The following SEMA4G variants were observed in gnomAD, a reference collection of about 807,000 sequenced individuals.
SEMA4G encodes semaphorin 4G.
Under a neutral mutation model 81.2 loss-of-function variants are expected in SEMA4G, and 59 were observed. The ratio of observed to expected loss-of-function variants is 0.73; its 90% confidence interval spans 0.59 to 0.90. The LOEUF is 0.90. SEMA4G is among the 40% of genes least tolerant of loss of function. SEMA4G has a pLI of 0.00. For synonymous variants in SEMA4G, 404 were observed against 433.9 expected, an observed-to-expected ratio of 0.93 and a Z score of 0.86; for missense variants, 952 against 1,102.3, an observed-to-expected ratio of 0.86 and a Z score of 1.93.
rs140692272 is a variant in SEMA4G, at chr10:100,980,888, C to G, written c.1534C>G (p.Arg512Gly). Reference sequence around the variant, plus strand: ...ACCACTCTCCAGCTGCTCCCGCTACCGATCCTGCTATGACTGCATCTTGGC... The same window carrying G: ...ACCACTCTCCAGCTGCTCCCGCTACGGATCCTGCTATGACTGCATCTTGGC... The change falls in exon 12 of 14, where the codon CGA becomes GGA. Residue 512 changes from arginine to glycine, a missense_variant. Around this residue, in one of 3 missense-constraint regions of SEMA4G, gnomAD observed 131 missense variants for 200.7 expected, o/e 0.65. Coordinates refer to ENST00000370250, the Ensembl canonical transcript of SEMA4G. 4 of 1,610,806 alleles carry G rather than the reference C, an allele frequency of 2.5e-6. No homozygotes were observed. The African/African-American group carries it at 5.4e-5, about 22-fold the overall frequency.
At position 100,981,071 on chromosome 10, in the gene SEMA4G, T is replaced by TGCA. The variant is rs776474751; in HGVS notation, c.1628+91_1628+93dup. ...GAAGGCCTGATAGCTACTGGGGGAG[T>TGCA]GCAGGGGCTAGTTATTAGTAACAGA... On this transcript the variant is annotated intron_variant, in intron 12 of 13. Transcript: ENST00000370250. The TGCA allele has an allele frequency of 4.9e-4, 780 of 1,599,856 alleles. 1 individual carries two copies. The highest frequency in any genetic ancestry group is 6.1e-4 in the Non-Finnish European group (717 of 1,169,580).
chr10:100,976,283 C>T (rs1850782065), intron 3 of SEMA4G, among the ~76,000 whole-genome samples: 1 of 152,138 alleles, frequency 6.6e-6, no homozygotes, highest in South Asian at 2.1e-4. Flanking sequence ...GAGGAATGGG[C>T]AGAGTCCCAT....
intron 8 of SEMA4G, 40 bp from the exon 10 acceptor site, chr10:100,979,808 T>A (rs771083138): frequency 1.2e-6 from 2 of 1,607,492 alleles, no homozygotes; most frequent in East Asian, 2.2e-5. Context: ...CAGGCTTGAC[T>A]CCATGTAACT....
upstream of SEMA4G, among the ~76,000 whole-genome samples, chr10:100,971,765 G>A (rs1185035843): frequency 2.0e-5 from 3 of 152,170 alleles, no homozygotes; most frequent in Non-Finnish European, 2.9e-5. Context: ...TGGCTTGAGG[G>A]AGGGTCCAAG....
exon 8 of SEMA4G, chr10:100,979,255 A>G: frequency 6.2e-7 from 1 of 1,614,240 alleles, no homozygotes; most frequent in Non-Finnish European, 8.5e-7. Flanking sequence ...TGCAGCCTTC[A>G]CGCTGAGCAC....
downstream of SEMA4G, chr10:100,985,136 G>A (rs1043523463): frequency 4.6e-6 from 2 of 437,454 alleles, no homozygotes; most frequent in Non-Finnish European, 8.0e-6. Context: ...CTCTCTTTTG[G>A]GGGAATCAAG....
intron 13 of SEMA4G, chr10:100,981,502 A>G: frequency 6.2e-7 from 1 of 1,614,186 alleles, no homozygotes; most frequent in South Asian, 1.1e-5. Flanking sequence ...CAGGACGGTA[A>G]TGGGTATTTC....
chr10:100,975,511 T>G (rs1242114181), intron 3 of SEMA4G, among the ~76,000 whole-genome samples: 1 of 152,216 alleles, frequency 6.6e-6, no homozygotes, highest in Non-Finnish European at 1.5e-5. Flanking sequence ...AGGTTTCACC[T>G]GTGGTTTCCA....
intron 3 of SEMA4G, among the ~76,000 whole-genome samples, chr10:100,975,522 A>G (rs978054209): frequency 1.3e-5 from 2 of 152,194 alleles, no homozygotes; most frequent in Admixed American, 6.5e-5. Flanking sequence ...GTGGTTTCCA[A>G]AGTTATTTGA....
At position 100,981,241 on chromosome 10, in the gene SEMA4G, A is replaced by T. The variant is rs1171944649; in HGVS notation, c.1690+12A>T. Reference sequence around the variant, plus strand: ...CAGCAGGGATACAGGTAAGTGACTCATATGAGTGTGGGTCTAGCTACGCAG... The same window carrying T: ...CAGCAGGGATACAGGTAAGTGACTCTTATGAGTGTGGGTCTAGCTACGCAG... On this transcript the variant is annotated intron_variant, in intron 13 of 13. Transcript: ENST00000370250. 1 of 1,613,468 alleles carries T rather than the reference A, an allele frequency of 6.2e-7. No individual in the cohort carries two copies. Among genetic ancestry groups the T allele is most frequent in the Non-Finnish European group, 8.5e-7 (1 of 1,179,358 alleles).
At chr10:100,971,124 G>A (rs564324875), upstream of SEMA4G, among the ~76,000 whole-genome samples, 5 of 152,312 alleles carry the variant, frequency 3.3e-5, no homozygotes, top group African/African-American at 7.2e-5. Flanking sequence ...ACATGTGTGT[G>A]TGTGTGTGTG....
Position 100,978,481 on chromosome 10 carries a change from T to C in SEMA4G, c.530-46T>C, listed in dbSNP as rs758251992. The C allele has an allele frequency of 2.5e-6, 4 of 1,592,754 alleles. No individual in the cohort carries two copies. In the African/African-American group the frequency reaches 5.4e-5, roughly 21 times the overall value. On this transcript the variant is annotated intron_variant, in intron 5 of 13. Transcript: ENST00000370250. ...GCCACCATGTATATGTCATGTGCCC[T>C]GTTGAATATGACATGTCTCTCATGC...
At chr10:100,971,066 T>A (rs1315805018), upstream of SEMA4G, among the ~76,000 whole-genome samples, 2 of 152,204 alleles carry the variant, frequency 1.3e-5, no homozygotes, top group African/African-American at 2.4e-5. Context: ...TGTGAGTATA[T>A]GTGTGAATGA....
intron 5 of SEMA4G, 37 bp from the exon 7 acceptor site, chr10:100,978,490 T>A: frequency 6.2e-7 from 1 of 1,604,676 alleles, no homozygotes. Flanking sequence ...CTGTTGAATA[T>A]GACATGTCTC....
chr10:100,972,164 G>A (rs904292434), upstream of SEMA4G, among the ~76,000 whole-genome samples: 3 of 152,138 alleles, frequency 2.0e-5, no homozygotes, highest in African/African-American at 7.2e-5. Context: ...AGGCACCCCC[G>A]CAGGCAGCAG....
intron 6 of SEMA4G, 21 bp downstream of exon 7, chr10:100,978,661 G>A: frequency 6.2e-7 from 1 of 1,602,384 alleles, no homozygotes; most frequent in Non-Finnish European, 8.6e-7. Context: ...TGAGGCACAG[G>A]ATGATGGGGG....
chr10:100,975,004 G>T, intron 3 of SEMA4G: 1 of 533,902 alleles, frequency 1.9e-6, no homozygotes, highest in Non-Finnish European at 3.8e-6. Flanking sequence ...TGGGCCAGGG[G>T]TGGTGTTGGG....
Position 100,979,603 on chromosome 10 carries a change from G to A in SEMA4G, c.984-245G>A, listed in dbSNP as rs527378146. Among the ~76,000 whole-genome samples, 332 of 152,126 alleles carry A rather than the reference G, an allele frequency of 2.2e-3. 1 individual carries two copies. Among genetic ancestry groups the A allele is most frequent in the Non-Finnish European group, 4.2e-3 (283 of 67,974 alleles). On this transcript the variant is annotated intron_variant, in intron 8 of 13. Transcript: ENST00000370250. Reference sequence around the variant, plus strand: ...TCACTGTGTTGCCCAGGATGGTCTCGATCTCTTGACCTCGTGATCTGCTCG... The same window carrying A: ...TCACTGTGTTGCCCAGGATGGTCTCAATCTCTTGACCTCGTGATCTGCTCG...
At chr10:100,969,973 G>A, upstream of SEMA4G, 1 of 432,582 alleles carries the variant, frequency 2.3e-6, no homozygotes, top group South Asian at 1.6e-5. Context: ...GGATGTTGGA[G>A]GGAGGGGGTC....
Sources: allele counts gnomAD v4.1 joint callset (sites outside exome capture counted in the v4.1 genomes callset), GRCh38; gene constraint gnomAD v4.1.1; regional missense constraint gnomAD v4.1.1; transcripts MANE v1.5; gene names NCBI Gene and HGNC (gene_info 2026-07-23, HGNC 2026-07-21).